Variants in KIAA0319 observed in about 807,000 individuals in gnomAD.
The protein encoded by KIAA0319 is dyslexia-associated protein KIAA0319.
A neutral mutation model predicts 108.4 loss-of-function variants in KIAA0319; 83 were observed. The ratio of observed to expected loss-of-function variants is 0.77; its 90% CI spans 0.64 to 0.92. The LOEUF is 0.92. Among genes scored for constraint, KIAA0319 ranks in the 40% least tolerant of loss-of-function variants. The probability of loss-of-function intolerance (pLI) is 0.00; values close to 1 mark genes in which losing one functional copy is unlikely to be tolerated. For synonymous variants in KIAA0319, 484 were observed against 510.4 expected (o/e 0.95, Z 0.70); for missense variants, 1,195 against 1,322.4 (o/e 0.90, Z 1.49).
chr6:24,543,016 A>AC (rs1760264138), downstream of KIAA0319, among the ~76,000 whole-genome samples: 1 of 152,242 alleles, frequency 6.6e-6, no homozygotes, highest in African/African-American at 2.4e-5. Flanking sequence ...TAAATCCAGA[A>AC]CGCTTGCTTT....
chr6:24,642,998 G>A (rs1393499985), intron 1 of KIAA0319, among the ~76,000 whole-genome samples: 2 of 152,196 alleles, frequency 1.3e-5, no homozygotes, highest in Non-Finnish European at 2.9e-5. Context: ...ATGAGCCACC[G>A]CGTTCCCAGC....
At chr6:24,592,102 T>C (rs1306658537) in intron 3 of KIAA0319, among the ~76,000 whole-genome samples, 1 of 152,216 alleles carries the variant, frequency 6.6e-6, no homozygotes, top group Non-Finnish European at 1.5e-5. Context: ...TAAGAAATAA[T>C]TGCCTAAGTT....
At chr6:24,558,655 T>C (rs79052063) in intron 17 of KIAA0319, among the ~76,000 whole-genome samples, 1 of 152,354 alleles carries the variant, frequency 6.6e-6, no homozygotes, top group African/African-American at 2.4e-5. Context: ...AGGAGCTACA[T>C]GACATTATCA....
At chr6:24,543,948 A>G (rs1404697805), downstream of KIAA0319, among the ~76,000 whole-genome samples, 1 of 152,216 alleles carries the variant, frequency 6.6e-6, no homozygotes, top group Non-Finnish European at 1.5e-5. Flanking sequence ...ACAGGGAAGG[A>G]GCAGGGGATG....
intron 1 of KIAA0319, among the ~76,000 whole-genome samples, chr6:24,607,212 T>C (rs1437045597): frequency 2.0e-5 from 3 of 152,024 alleles, no homozygotes; most frequent in African/African-American, 7.2e-5. Flanking sequence ...AAAAATTAGC[T>C]GGGCATGGTG....
At chr6:24,568,656 G>T (rs1764234866) in intron 13 of KIAA0319, 125 bp downstream of exon 13, 2 of 939,612 alleles carry the variant, frequency 2.1e-6, no homozygotes, top group Admixed American at 2.6e-5. Flanking sequence ...AGCCAGGCAG[G>T]GTTCGGCATC....
At position 24,546,068 on chromosome 6, in the gene KIAA0319, G is replaced by A. The variant is rs1416804668; in HGVS notation, c.*1097C>T. 2 of 152,188 alleles carry A rather than the reference G, an allele frequency of 1.3e-5. No individual in the cohort carries two copies. The highest frequency in any genetic ancestry group is 1.3e-4 in the Admixed American group (2 of 15,284). The allele number at this position is 152,188 out of a possible 1,614,324, so 9.4% of individuals were successfully genotyped here. The stretch of plus-strand genomic sequence containing the variant: ...ATTGCTCGGGAGTACTGCTTTGTGG[G>A]TGGGAATGTTTTAATTGTCTTTCAT... On this transcript the variant is annotated 3_prime_UTR_variant, in exon 21 of 21. Transcript: ENST00000378214.
intron 1 of KIAA0319, among the ~76,000 whole-genome samples, chr6:24,638,759 CAAAAA>C (rs70974924): frequency 7.1e-6 from 1 of 140,638 alleles, no homozygotes; most frequent in Non-Finnish European, 1.6e-5. Flanking sequence ...GACTCCGTCT[CAAAAA>C]AAAAAAAAAG....
At chr6:24,557,909 G>A (rs539684392) in intron 17 of KIAA0319, among the ~76,000 whole-genome samples, 1 of 152,060 alleles carries the variant, frequency 6.6e-6, no homozygotes, top group East Asian at 1.9e-4. Flanking sequence ...AATATGATTT[G>A]AAGTTAAAAA....
chr6:24,588,852 A>C, intron 3 of KIAA0319, 67 bp from the exon 4 acceptor site: 205 of 1,271,308 alleles, frequency 1.6e-4, no homozygotes, highest in Non-Finnish European at 2.1e-4. Context: ...CAAGCAACTC[A>C]ATGTTACCAA....
intron 9 of KIAA0319, among the ~76,000 whole-genome samples, chr6:24,576,970 T>C (rs1765641379): frequency 6.6e-6 from 1 of 151,590 alleles, no homozygotes; most frequent in African/African-American, 2.4e-5. Flanking sequence ...AAAAAAATAA[T>C]ATGCCAAATC....
intron 1 of KIAA0319, among the ~76,000 whole-genome samples, chr6:24,636,069 C>T (rs1356329945): frequency 6.6e-6 from 1 of 152,174 alleles, no homozygotes; most frequent in African/African-American, 2.4e-5. Context: ...AGATATGCCT[C>T]TTTATGGGGA....
intron 1 of KIAA0319, among the ~76,000 whole-genome samples, chr6:24,620,507 G>T (rs951741858): frequency 2.0e-5 from 3 of 152,110 alleles, no homozygotes; most frequent in Non-Finnish European, 4.4e-5. Flanking sequence ...CACCATGTTG[G>T]CCAGGCTGGT....
intron 1 of KIAA0319, among the ~76,000 whole-genome samples, chr6:24,612,056 A>T (rs1026220622): frequency 2.7e-5 from 4 of 148,000 alleles, no homozygotes; most frequent in Admixed American, 2.0e-4. Context: ...TCAAAAAAAA[A>T]AAAAAGAAAA....
intron 2 of KIAA0319, chr6:24,598,039 T>G (rs1445298849): frequency 3.2e-6 from 1 of 310,886 alleles, no homozygotes; most frequent in African/African-American, 2.3e-5. Flanking sequence ...CCATAAGTCC[T>G]ACAAGGTGTC....
intron 20 of KIAA0319, among the ~76,000 whole-genome samples, chr6:24,549,268 G>C (rs1456776917): frequency 6.8e-6 from 1 of 148,024 alleles, no homozygotes; most frequent in Non-Finnish European, 1.5e-5. Context: ...AGAGGTTGCA[G>C]TGAGCTGAGA....
At chr6:24,629,187 C>T (rs1775150602) in intron 1 of KIAA0319, among the ~76,000 whole-genome samples, 1 of 152,088 alleles carries the variant, frequency 6.6e-6, no homozygotes, top group Admixed American at 6.5e-5. Flanking sequence ...TAGGGGTTTT[C>T]TTTCATCTCT....
At chr6:24,609,679 C>T (rs1472985825) in intron 1 of KIAA0319, among the ~76,000 whole-genome samples, 1 of 151,984 alleles carries the variant, frequency 6.6e-6, no homozygotes, top group Non-Finnish European at 1.5e-5. Flanking sequence ...AAATGCTAAG[C>T]TGTATCCCTG....
rs574860193 is a variant in KIAA0319, at chr6:24,599,588, T to C, written c.55+1461A>G. ...CTGGGATGCAGAACATGAATATCCA[T>C]ACAAAGACCACCAGTGGCTACTCAG... On this transcript the variant is annotated intron_variant, in intron 2 of 20. Coordinates refer to ENST00000378214, the MANE Select transcript of KIAA0319 (RefSeq NM_014809.4). This position sits in a 1 kb window ranked among gnomAD's most constrained non-coding sequence, Gnocchi z 4.1. 507 of 615,802 alleles carry C rather than the reference T, an allele frequency of 8.2e-4. 1 individual carries two copies. Among genetic ancestry groups the C allele is most frequent in the Middle Eastern group, 3.0e-3 (6 of 2,010 alleles). 38.1% of individuals were successfully genotyped at this position (615,802 alleles called of 1,614,324 possible). A position where few individuals can be genotyped will look rare whatever the true frequency, so the allele number is the denominator to read the frequency against.
Sources: gnomAD v4.1 joint callset for allele counts (sites outside exome capture counted in the v4.1 genomes callset) on GRCh38, gnomAD v4.1.1 for gene constraint, Gnocchi (gnomAD v3.1) non-coding constraint, MANE v1.5 for transcripts, NCBI Gene and HGNC (gene_info 2026-07-23, HGNC 2026-07-21) for gene names.